Variants in FHOD3 observed in about 807,000 individuals in gnomAD.
The protein encoded by FHOD3 is FH1/FH2 domain-containing protein 3.
Under a neutral mutation model 173.0 loss-of-function variants are expected in FHOD3, and 90 were observed. That is an observed-to-expected ratio of 0.52 (90% CI 0.44 to 0.62). The LOEUF is 0.62. Ranked by LOEUF, FHOD3 falls within the 20% of genes least tolerant of loss-of-function variation. The pLI is 0.00. For synonymous variants in FHOD3, 828 were observed against 823.0 expected (o/e 1.01, Z -0.10); for missense variants, 1,945 against 2,034.7 (o/e 0.96, Z 0.85).
chr18:36,578,131 A>G (rs2058723147), intron 6 of FHOD3, among the ~76,000 whole-genome samples: 1 of 152,188 alleles, frequency 6.6e-6, no homozygotes, highest in Non-Finnish European at 1.5e-5. Flanking sequence ...GGTCCCTGAA[A>G]AGCATATTGG....
At chr18:36,550,703 TA>T (rs1400669054) in intron 5 of FHOD3, among the ~76,000 whole-genome samples, 1 of 152,206 alleles carries the variant, frequency 6.6e-6, no homozygotes, top group Non-Finnish European at 1.5e-5. Context: ...ATGTATTTTT[TA>T]AAATTCCAAT....
At chr18:36,361,222 G>C (rs1286558908) in intron 2 of FHOD3, among the ~76,000 whole-genome samples, 3 of 152,112 alleles carry the variant, frequency 2.0e-5, no homozygotes, top group Non-Finnish European at 4.4e-5. Context: ...GCTCTCAGTG[G>C]GGGAGAAAAC....
At chr18:36,604,950 G>C (rs949088006) in intron 8 of FHOD3, among the ~76,000 whole-genome samples, 11 of 152,122 alleles carry the variant, frequency 7.2e-5, no homozygotes, top group African/African-American at 2.4e-4. Context: ...AAATACATAT[G>C]AAAACAACAA....
rs761865941 is a variant in FHOD3 at position 36,709,178 on chromosome 18, C to T, written c.2320C>T (p.Gln774Ter). 1.5e-5 allele frequency: 25 copies of T among 1,614,052 alleles called. No individual in the cohort carries two copies. The highest frequency in any genetic ancestry group is 2.1e-5 in the Non-Finnish European group (25 of 1,180,036). ...GGGGCAGGTTGCTGATGAAGCTGGC[C>T]AGGACATAGCCTCTGCCCACGAGGG... ...GAGQVADEAG[Q>*]DIASAHEGAE... The change falls in exon 18 of 29, where the codon CAG becomes TAG. Residue 774 changes from glutamine to a stop codon, truncating the protein, a stop_gained. Coordinates refer to ENST00000590592, the MANE Select transcript of FHOD3 (RefSeq NM_001281740.3). LOFTEE classifies it high-confidence loss of function.
At chr18:36,382,876 T>C (rs763175647) in intron 3 of FHOD3, among the ~76,000 whole-genome samples, 4 of 152,204 alleles carry the variant, frequency 2.6e-5, no homozygotes, top group African/African-American at 4.8e-5. Context: ...CTAGCTTTGA[T>C]GTTTGGGCAC....
intron 3 of FHOD3, among the ~76,000 whole-genome samples, chr18:36,437,217 A>G (rs1370731791): frequency 6.6e-6 from 1 of 152,100 alleles, no homozygotes; most frequent in Non-Finnish European, 1.5e-5. Context: ...TCCTGGACTC[A>G]AGTGATCCTC....
chr18:36,394,469 C>T (rs1311140385), intron 3 of FHOD3, among the ~76,000 whole-genome samples: 2 of 152,174 alleles, frequency 1.3e-5, no homozygotes, highest in African/African-American at 4.8e-5. Context: ...CACCCCGCAG[C>T]ACTAGATGGG....
chr18:36,355,752 C>G lies in FHOD3; in HGVS notation c.272+107C>G, dbSNP rs1050426623. Reference sequence around the variant, plus strand: ...GGAACTACCATGGCTTTGACCTTCTCTTAATTCTCAATCACACACGAGGGA... The same window carrying G: ...GGAACTACCATGGCTTTGACCTTCTGTTAATTCTCAATCACACACGAGGGA... On this transcript the variant is annotated intron_variant, in intron 2 of 28. Coordinates refer to ENST00000590592, the MANE Select transcript of FHOD3 (RefSeq NM_001281740.3). 8.7e-5 allele frequency: 75 copies of G among 866,216 alleles called. 1 individual carries two copies. The South Asian group carries it at 1.0e-3, about 12-fold the overall frequency. 53.7% of individuals were successfully genotyped at this position (866,216 alleles called of 1,614,324 possible).
intron 19 of FHOD3, among the ~76,000 whole-genome samples, chr18:36,723,367 G>T (rs75485938): frequency 0.018 from 2,727 of 152,162 alleles, 53 homozygotes; most frequent in Non-Finnish European, 0.023. Flanking sequence ...TCATTTTAGG[G>T]TGTGTGTGTT....
At chr18:36,621,947 A>G (rs1217813561) in intron 9 of FHOD3, among the ~76,000 whole-genome samples, 1 of 152,230 alleles carries the variant, frequency 6.6e-6, no homozygotes, top group Middle Eastern at 3.2e-3. Context: ...CAAAATGTCC[A>G]ATGATGGACG....
At chr18:36,766,828 C>T (rs2150347605) in intron 27 of FHOD3, among the ~76,000 whole-genome samples, 1 of 152,314 alleles carries the variant, frequency 6.6e-6, no homozygotes, top group African/African-American at 2.4e-5. Context: ...GCCTTCATTT[C>T]TGGCCCAGTG....
intron 1 of FHOD3, among the ~76,000 whole-genome samples, chr18:36,340,483 G>A (rs1454349363): frequency 6.6e-6 from 1 of 151,908 alleles, no homozygotes; most frequent in Non-Finnish European, 1.5e-5. Flanking sequence ...TATTCCAGAT[G>A]TTATAGTCTG....
chr18:36,690,626 AC>A lies in FHOD3; in HGVS notation c.2022-2581del, dbSNP rs375778825. On this transcript the variant is annotated intron_variant, in intron 16 of 28. Coordinates refer to ENST00000590592, the MANE Select transcript of FHOD3 (RefSeq NM_001281740.3). ...GCCTGTGGCATGGCCGTCTCCGCGT[AC>A]CAGCCCACCGCCTTCACCACTCTGG... 7.1e-3 allele frequency among the ~76,000 whole-genome samples: 1,081 copies of A among 152,190 alleles called. 10 individuals are homozygous for A. Among genetic ancestry groups the A allele is most frequent in the Non-Finnish European group, 0.01 (684 of 67,992 alleles).
intron 28 of FHOD3, among the ~76,000 whole-genome samples, chr18:36,770,836 G>C (rs1156966875): frequency 6.6e-6 from 1 of 152,188 alleles, no homozygotes; most frequent in Non-Finnish European, 1.5e-5. Flanking sequence ...AGGCCTTGAG[G>C]TGTGGGTCCC....
chr18:36,310,745 T>C (rs973461887), intron 1 of FHOD3, among the ~76,000 whole-genome samples: 17 of 149,336 alleles, frequency 1.1e-4, no homozygotes, highest in Non-Finnish European at 2.4e-4. Context: ...AAAATCCACG[T>C]GGACTGCATG....
intron 5 of FHOD3, among the ~76,000 whole-genome samples, chr18:36,545,941 G>A (rs1462724381): frequency 6.6e-6 from 1 of 152,214 alleles, no homozygotes; most frequent in East Asian, 1.9e-4. Flanking sequence ...CTAGCAGTTT[G>A]TAAGGAGTTA....
At chr18:36,543,141 G>C (rs2057288809) in intron 5 of FHOD3, among the ~76,000 whole-genome samples, 2 of 152,142 alleles carry the variant, frequency 1.3e-5, no homozygotes, top group Admixed American at 6.5e-5. Flanking sequence ...TCCAAATGTG[G>C]TATCAGTTCT....
At chr18:36,764,259 G>A (rs2043045429) in intron 27 of FHOD3, among the ~76,000 whole-genome samples, 1 of 152,188 alleles carries the variant, frequency 6.6e-6, no homozygotes. Flanking sequence ...TCATTAAATG[G>A]TGAACAATAG....
intron 15 of FHOD3, among the ~76,000 whole-genome samples, chr18:36,682,466 T>G (rs2038316455): frequency 6.6e-6 from 1 of 152,212 alleles, no homozygotes; most frequent in African/African-American, 2.4e-5. Context: ...ACCTCCTGTT[T>G]CCTTAGTTCA....
Sources: gnomAD v4.1 joint callset for allele counts (sites outside exome capture counted in the v4.1 genomes callset) on GRCh38, gnomAD v4.1.1 for gene constraint, MANE v1.5 for transcripts, NCBI Gene and HGNC (gene_info 2026-07-23, HGNC 2026-07-21) for gene names.